Variants in TACR3 observed in about 807,000 individuals in gnomAD.
The protein encoded by TACR3 is tachykinin receptor 3.
TACR3 carries 34 observed loss-of-function variants against 35.0 expected under a neutral mutation model. The ratio of observed to expected loss-of-function variants is 0.97; its 90% CI spans 0.74 to 1.30. The LOEUF (loss-of-function observed/expected upper bound fraction) is 1.30, where lower values mean the gene tolerates loss of function less well. TACR3 is among the 50% of genes most tolerant of loss of function. The pLI is 0.00. For missense variants in TACR3, 558 were observed against 591.7 expected, an observed-to-expected ratio of 0.94 and a Z score of 0.59; for synonymous variants, 233 against 221.1, an observed-to-expected ratio of 1.05 and a Z score of -0.48.
intron 3 of TACR3, among the ~76,000 whole-genome samples, chr4:103,620,122 G>T (rs1251305298): frequency 6.6e-6 from 1 of 151,788 alleles, no homozygotes; most frequent in African/African-American, 2.4e-5. Context: ...AGACATACAA[G>T]TGGCCAACAA....
intron 1 of TACR3, among the ~76,000 whole-genome samples, chr4:103,695,258 C>T (rs188352985): frequency 1.4e-4 from 22 of 152,198 alleles, no homozygotes; most frequent in African/African-American, 3.4e-4. Flanking sequence ...CACTTATACG[C>T]GGATTGTTTT....
Position 103,656,312 on chromosome 4 carries a change from C to G in TACR3, c.770G>C (p.Cys257Ser), listed in dbSNP as rs377430416. ...YHIIVIILVY[C>S]FPLLIMGITY... is the part of the protein sequence containing the mutation. Reference sequence around the variant, plus strand: ...AATACCCATGATGAGCAATGGGAAACAGTACACCAGTATAATGACGATAAT... The same window carrying G: ...AATACCCATGATGAGCAATGGGAAAGAGTACACCAGTATAATGACGATAAT... The change falls in exon 3 of 5, where the codon TGT (cysteine) becomes TCT (serine). Residue 257 changes from cysteine to serine, a missense_variant. Transcript: ENST00000304883. The G allele has an allele frequency of 1.6e-5, 26 of 1,612,514 alleles. No homozygotes were observed. Among genetic ancestry groups the G allele is most frequent in the African/African-American group, 2.7e-5 (2 of 74,810 alleles).
intron 1 of TACR3, among the ~76,000 whole-genome samples, chr4:103,689,944 A>T (rs376064489): frequency 1.3e-5 from 2 of 152,146 alleles, no homozygotes; most frequent in African/African-American, 4.8e-5. Context: ...AAAACAAAAT[A>T]TCCTTGCAGT....
intron 3 of TACR3, among the ~76,000 whole-genome samples, chr4:103,627,531 A>C (rs1299512577): frequency 2.0e-5 from 3 of 151,838 alleles, no homozygotes; most frequent in South Asian, 2.1e-4. Flanking sequence ...CAAAAAAATA[A>C]ATAAATAAAT....
intron 1 of TACR3, among the ~76,000 whole-genome samples, chr4:103,706,038 T>C (rs1722779695): frequency 4.6e-5 from 7 of 152,154 alleles, no homozygotes; most frequent in Admixed American, 2.0e-4. Flanking sequence ...TAGGCAATTT[T>C]AGTAGACCAG....
At chr4:103,658,717 G>A (rs1725779848) in intron 1 of TACR3, among the ~76,000 whole-genome samples, 2 of 152,136 alleles carry the variant, frequency 1.3e-5, no homozygotes, top group Admixed American at 1.3e-4. Flanking sequence ...ATGTAAGTCA[G>A]CGGTGCCCAG....
intron 3 of TACR3, among the ~76,000 whole-genome samples, chr4:103,595,032 G>A (rs188346195): frequency 7.1e-4 from 108 of 152,246 alleles, no homozygotes; most frequent in Non-Finnish European, 2.2e-4. Context: ...GGGAGAAATT[G>A]TCTTGCTTTG....
intron 1 of TACR3, among the ~76,000 whole-genome samples, chr4:103,663,417 C>T (rs1406849941): frequency 1.3e-5 from 2 of 152,164 alleles, no homozygotes; most frequent in Non-Finnish European, 2.9e-5. Context: ...TCTCTTGAGC[C>T]TGGCAGGTGG....
intron 3 of TACR3, among the ~76,000 whole-genome samples, chr4:103,638,548 A>G (rs1725254400): frequency 6.6e-6 from 1 of 152,122 alleles, no homozygotes; most frequent in African/African-American, 2.4e-5. Flanking sequence ...TTCATGTCTA[A>G]AACACCAAAA....
intron 3 of TACR3, among the ~76,000 whole-genome samples, chr4:103,649,202 G>A (rs959838299): frequency 6.6e-6 from 1 of 151,934 alleles, no homozygotes; most frequent in Non-Finnish European, 1.5e-5. Context: ...TGTCAGATGG[G>A]GAGATTGCAA....
chr4:103,602,110 TCTC>T (rs1226633407), intron 3 of TACR3, among the ~76,000 whole-genome samples: 1 of 152,154 alleles, frequency 6.6e-6, no homozygotes, highest in Non-Finnish European at 1.5e-5. Flanking sequence ...TCTCTAAACT[TCTC>T]TTCTCCCTTC....
intron 3 of TACR3, among the ~76,000 whole-genome samples, chr4:103,655,217 C>A (rs1725707271): frequency 6.6e-6 from 1 of 152,026 alleles, no homozygotes; most frequent in African/African-American, 2.4e-5. Flanking sequence ...AAATGGAATC[C>A]ATTTTGTACA....
At chr4:103,600,766 A>G (rs1487292129) in intron 3 of TACR3, among the ~76,000 whole-genome samples, 3 of 152,124 alleles carry the variant, frequency 2.0e-5, no homozygotes, top group Admixed American at 2.0e-4. Flanking sequence ...GTAGTTGAGC[A>G]GTTTTGAGTG....
chr4:103,631,470 A>G (rs184672419), intron 3 of TACR3, among the ~76,000 whole-genome samples: 120 of 152,262 alleles, frequency 7.9e-4, no homozygotes, highest in African/African-American at 2.8e-3. Flanking sequence ...AATATTTATT[A>G]AAATATTTAG....
chr4:103,683,469 C>T (rs78649916), intron 1 of TACR3, among the ~76,000 whole-genome samples: 14 of 15,772 alleles, frequency 8.9e-4, no homozygotes, highest in Admixed American at 5.0e-3. Flanking sequence ...GAAAGACTGA[C>T]CAAAAAAAAA....
chr4:103,693,575 A>T (rs1022468239), intron 1 of TACR3, among the ~76,000 whole-genome samples: 1 of 152,024 alleles, frequency 6.6e-6, no homozygotes, highest in African/African-American at 2.4e-5. Flanking sequence ...CTATGTAACC[A>T]TTTTATTTTT....
At chr4:103,617,115 A>G (rs1724676817) in intron 3 of TACR3, among the ~76,000 whole-genome samples, 1 of 152,190 alleles carries the variant, frequency 6.6e-6, no homozygotes, top group Admixed American at 6.5e-5. Context: ...AGCAACAAAA[A>G]ATTATGAGAC....
At chr4:103,718,638 G>A (rs575728476) in intron 1 of TACR3, among the ~76,000 whole-genome samples, 1 of 152,296 alleles carries the variant, frequency 6.6e-6, no homozygotes, top group Non-Finnish European at 1.5e-5. Context: ...GCAAGACTAG[G>A]GAATAGGGAA....
At chr4:103,613,445 G>A (rs917898314) in intron 3 of TACR3, among the ~76,000 whole-genome samples, 5 of 151,668 alleles carry the variant, frequency 3.3e-5, no homozygotes, top group Non-Finnish European at 7.4e-5. Context: ...TCAACTTCCC[G>A]AGTAGCTGGG....
Sources: gnomAD v4.1 joint callset for allele counts (sites outside exome capture counted in the v4.1 genomes callset) on GRCh38, gnomAD v4.1.1 for gene constraint, MANE v1.5 for transcripts, NCBI Gene and HGNC (gene_info 2026-07-23, HGNC 2026-07-21) for gene names.